CDH13: variants seen among roughly 807,000 people sequenced by gnomAD.
CDH13 encodes cadherin-13.
Under a neutral mutation model 63.8 loss-of-function variants are expected in CDH13, and 24 were observed. That is an observed-to-expected ratio of 0.38 (90% CI 0.27 to 0.53). The LOEUF is 0.53. Among genes scored for constraint, CDH13 ranks in the 20% least tolerant of loss-of-function variants. The probability of loss-of-function intolerance (pLI) is 0.85; values close to 1 mark genes in which losing one functional copy is unlikely to be tolerated. For missense variants in CDH13, 1,049 were observed against 903.1 expected (o/e 1.16, Z -2.07); for synonymous variants, 503 against 355.3 (o/e 1.42, Z -4.67).
intron 1 of CDH13, among the ~76,000 whole-genome samples, chr16:82,721,690 C>T (rs2032780089): frequency 6.7e-6 from 1 of 149,328 alleles, no homozygotes; most frequent in South Asian, 2.1e-4. Context: ...TGTGCCAGGT[C>T]ATTCTGGTCT....
At chr16:83,368,938 A>ACC (rs2091310281) in intron 6 of CDH13, among the ~76,000 whole-genome samples, 1 of 55,432 alleles carries the variant, frequency 1.8e-5, no homozygotes, top group South Asian at 5.3e-4. Flanking sequence ...ATATATATAT[A>ACC]CTAGGTTTTT....
intron 1 of CDH13, among the ~76,000 whole-genome samples, chr16:82,684,232 C>T (rs150563822): frequency 1.4e-4 from 21 of 152,184 alleles, no homozygotes; most frequent in Non-Finnish European, 2.4e-4. Context: ...GAGCTCAGAT[C>T]TAGGATTCAG....
intron 2 of CDH13, among the ~76,000 whole-genome samples, chr16:82,987,002 G>T (rs1287945664): frequency 6.6e-6 from 1 of 152,176 alleles, no homozygotes; most frequent in Non-Finnish European, 1.5e-5. Flanking sequence ...GATGGAATTA[G>T]AATTTAGGGA....
chr16:82,987,601 T>C (rs1911108319), intron 2 of CDH13, among the ~76,000 whole-genome samples: 1 of 152,182 alleles, frequency 6.6e-6, no homozygotes, highest in Admixed American at 6.5e-5. Context: ...GGTCTCAAAC[T>C]CCTGACCTCA....
chr16:83,497,258 A>G (rs957281613), intron 7 of CDH13, among the ~76,000 whole-genome samples: 9 of 151,932 alleles, frequency 5.9e-5, no homozygotes, highest in African/African-American at 2.2e-4. Flanking sequence ...CTTGGAACCA[A>G]CCCAAATGTC....
chr16:82,777,621 T>A (rs1462774129), intron 1 of CDH13, among the ~76,000 whole-genome samples: 2 of 152,186 alleles, frequency 1.3e-5, no homozygotes, highest in African/African-American at 4.8e-5. Context: ...CTTAAAACCA[T>A]ATTTATTATT....
intron 3 of CDH13, among the ~76,000 whole-genome samples, chr16:83,106,358 T>C (rs1456759883): frequency 6.6e-6 from 1 of 152,078 alleles, no homozygotes; most frequent in Admixed American, 6.6e-5. Flanking sequence ...GCCAACGTTG[T>C]GAAACCCTGT....
chr16:83,510,919 T>A (rs1408116873), intron 7 of CDH13, among the ~76,000 whole-genome samples: 4 of 152,262 alleles, frequency 2.6e-5, no homozygotes, highest in African/African-American at 9.6e-5. Context: ...AAATTTACCC[T>A]TGAAAACTTT....
chr16:83,265,968 G>A (rs963504301), intron 5 of CDH13, among the ~76,000 whole-genome samples: 15 of 151,738 alleles, frequency 9.9e-5, no homozygotes, highest in Non-Finnish European at 1.8e-4. Context: ...ATGGATTCTC[G>A]CTCTGTCGCC....
intron 9 of CDH13, among the ~76,000 whole-genome samples, chr16:83,672,933 G>A (rs1397773262): frequency 6.6e-6 from 1 of 152,188 alleles, no homozygotes; most frequent in African/African-American, 2.4e-5. Flanking sequence ...GACTTTTACA[G>A]CTTCGAAAGT....
At chr16:83,608,659 T>C (rs71402090) in intron 8 of CDH13, among the ~76,000 whole-genome samples, 1 of 135,360 alleles carries the variant, frequency 7.4e-6, no homozygotes, top group African/African-American at 3.0e-5. Context: ...CTAATTTTTG[T>C]ATTTTTTTTT....
intron 4 of CDH13, among the ~76,000 whole-genome samples, chr16:83,132,691 G>C (rs755155474): frequency 6.6e-6 from 1 of 152,002 alleles, no homozygotes; most frequent in Non-Finnish European, 1.5e-5. Flanking sequence ...GCCTCCCAAA[G>C]GGTGGGGATT....
chr16:83,697,832 AGATGGAGTTTCACCAT>A (rs1347805700), intron 10 of CDH13, among the ~76,000 whole-genome samples: 1 of 152,196 alleles, frequency 6.6e-6, no homozygotes. Flanking sequence ...TTTTTAGTAG[AGATGGAGTTTCACCAT>A]GTTGGCCAGG....
intron 2 of CDH13, among the ~76,000 whole-genome samples, chr16:82,915,687 G>T (rs2041964576): frequency 1.3e-5 from 2 of 151,754 alleles, no homozygotes; most frequent in South Asian, 4.2e-4. Context: ...TTGTGAAAGG[G>T]GTCCTGTGAG....
At chr16:82,903,922 A>C (rs1253936361) in intron 2 of CDH13, among the ~76,000 whole-genome samples, 1 of 152,126 alleles carries the variant, frequency 6.6e-6, no homozygotes, top group Non-Finnish European at 1.5e-5. Context: ...TGTCTGCTCT[A>C]AAGCCCAGTC....
intron 4 of CDH13, among the ~76,000 whole-genome samples, chr16:83,129,227 C>A (rs2035943601): frequency 6.6e-6 from 1 of 152,126 alleles, no homozygotes; most frequent in African/African-American, 2.4e-5. Context: ...CAAACACCAC[C>A]ACGCTCCCAA....
chr16:83,403,633 A>T (rs1237662719), intron 6 of CDH13, among the ~76,000 whole-genome samples: 1 of 151,946 alleles, frequency 6.6e-6, no homozygotes, highest in African/African-American at 2.4e-5. Flanking sequence ...AAAAATAATA[A>T]TAATAATAAT....
chr16:82,900,650 G>A (rs1238098837), intron 2 of CDH13, among the ~76,000 whole-genome samples: 1 of 152,180 alleles, frequency 6.6e-6, no homozygotes. Flanking sequence ...GAGAAACAGA[G>A]TAATTGATGA....
At chr16:82,835,095 T>C (rs890989772) in intron 1 of CDH13, among the ~76,000 whole-genome samples, 1 of 152,224 alleles carries the variant, frequency 6.6e-6, no homozygotes, top group African/African-American at 2.4e-5. Flanking sequence ...ACCCAATATA[T>C]TCAAGTAGTA....
Sources: gnomAD v4.1 joint callset for allele counts (sites outside exome capture counted in the v4.1 genomes callset) on GRCh38, gnomAD v4.1.1 for gene constraint, MANE v1.5 for transcripts, NCBI Gene and HGNC (gene_info 2026-07-23, HGNC 2026-07-21) for gene names.